Variants in ANKRD61 observed in about 807,000 individuals in gnomAD.
ANKRD61 encodes ankyrin repeat domain 61.
A neutral mutation model predicts 8.4 loss-of-function variants in ANKRD61; 7 were observed. The observed-to-expected ratio is 0.84, with a 90% confidence interval of 0.48 to 1.57. ANKRD61 has a LOEUF of 1.57. Among genes scored for constraint, ANKRD61 ranks in the 40% most tolerant of loss-of-function variants. ANKRD61 has a pLI of 0.00. For missense variants in ANKRD61, 516 were observed against 523.4 expected, an observed-to-expected ratio of 0.99 and a Z score of 0.14; for synonymous variants, 198 against 208.0, an observed-to-expected ratio of 0.95 and a Z score of 0.41.
At position 6,033,771 on chromosome 7, in the gene ANKRD61, A is replaced by G. The variant is rs559415848; in HGVS notation, c.314+835A>G. On this transcript the variant is annotated intron_variant, in intron 2 of 2. Coordinates refer to ENST00000409061, the MANE Select transcript of ANKRD61 (RefSeq NM_001271700.2). The surrounding 1 kb of genome is among the most constrained non-coding windows in gnomAD (Gnocchi z 4.4). ...TTTTTAGTAGAGATGGGGTTTCACC[A>G]TGTTAGCCAGGATAGTCTCAATCTC... 7.8e-4 allele frequency among the ~76,000 whole-genome samples: 118 copies of G among 151,808 alleles called. No individual in the cohort carries two copies. The highest frequency in any genetic ancestry group is 1.6e-3 in the Non-Finnish European group (106 of 67,944).
Position 6,035,807 on chromosome 7 carries a change from C to T in ANKRD61, c.678C>T (p.Asn226=), listed in dbSNP as rs1050011293. 3.9e-6 allele frequency: 6 copies of T among 1,550,542 alleles called. No individual in the cohort carries two copies. Among genetic ancestry groups the T allele is most frequent in the East Asian group, 4.9e-5 (2 of 40,932 alleles). The change falls in exon 3 of 3, where the codon AAC becomes AAT. Residue 226 remains asparagine (N), a synonymous_variant. Transcript: ENST00000409061. This position sits in a 1 kb window ranked among gnomAD's most constrained non-coding sequence, Gnocchi z 5.5. ...AAACGCTCATTGCCTATGGAGCAAA[C>T]GTCAACTGTGCTGTCTCTTCCACGG... is the stretch of plus-strand genomic sequence containing the variant. ...MMETLIAYGA[N]VNCAVSSTGN...
Position 6,035,248 on chromosome 7 carries a change from A to G in ANKRD61, c.315-196A>G, listed in dbSNP as rs1788042725. On this transcript the variant is annotated intron_variant, in intron 2 of 2. Coordinates refer to ENST00000409061, the MANE Select transcript of ANKRD61 (RefSeq NM_001271700.2). This position sits in a 1 kb window ranked among gnomAD's most constrained non-coding sequence, Gnocchi z 5.5. ...TGAAGCTAGGCCCCATCACGTAGTGATGCATCCCACCACATCCCACGAAAA... is the reference window on the plus strand; with the variant it reads ...TGAAGCTAGGCCCCATCACGTAGTGGTGCATCCCACCACATCCCACGAAAA... Among the ~76,000 whole-genome samples the G allele has an allele frequency of 6.6e-6, 1 of 152,210 alleles. No homozygotes were observed. Among genetic ancestry groups the G allele is most frequent in the Admixed American group, 6.5e-5 (1 of 15,270 alleles).
chr7:6,034,874 CCT>C (rs1031852938), intron 2 of ANKRD61, among the ~76,000 whole-genome samples: 9 of 152,278 alleles, frequency 5.9e-5, no homozygotes, highest in Admixed American at 2.6e-4. Context: ...AGATTCAACC[CCT>C]GTCACTTCTG....
rs545616942 is a variant in ANKRD61 at position 6,032,719 on chromosome 7, A to C, written c.217-120A>C. 1.4e-6 allele frequency: 1 copy of C among 738,830 alleles called. No individual in the cohort carries two copies. The highest frequency in any genetic ancestry group is 1.8e-5 in the African/African-American group (1 of 56,046). 45.8% of individuals were successfully genotyped at this position (738,830 alleles called of 1,614,324 possible). On this transcript the variant is annotated intron_variant, in intron 1 of 2. Coordinates refer to ENST00000409061, the MANE Select transcript of ANKRD61 (RefSeq NM_001271700.2). The surrounding 1 kb of genome is among the most constrained non-coding windows in gnomAD (Gnocchi z 4.3). ...AGGAAACTTTCAATGCACATACCAGAAAAAGAGTGAGCCAATGAGACACTA... is the reference window on the plus strand; with the variant it reads ...AGGAAACTTTCAATGCACATACCAGCAAAAGAGTGAGCCAATGAGACACTA...
Position 6,035,904 on chromosome 7 carries a change from A to G in ANKRD61, c.775A>G (p.Ser259Gly), listed in dbSNP as rs935472134. The G allele has an allele frequency of 1.3e-6, 2 of 1,546,878 alleles. No individual in the cohort carries two copies. Among genetic ancestry groups the G allele is most frequent in the Non-Finnish European group, 1.7e-6 (2 of 1,144,596 alleles). The change falls in exon 3 of 3, where the codon AGC becomes GGC. Residue 259 changes from serine to glycine, a missense_variant. Ser to Gly is a moderately conservative substitution (Grantham distance 56). Transcript: ENST00000409061. This position sits in a 1 kb window ranked among gnomAD's most constrained non-coding sequence, Gnocchi z 5.5. ...KAGRLLGAGV[S>G]CIRLLLTHGA... Reference sequence around the variant, plus strand: ...AGGCCGACTCCTCGGGGCGGGGGTCAGCTGCATCCGTCTGCTACTCACTCA... The same window carrying G: ...AGGCCGACTCCTCGGGGCGGGGGTCGGCTGCATCCGTCTGCTACTCACTCA...
Position 6,035,349 on chromosome 7 carries a change from C to T in ANKRD61, c.315-95C>T. 2 of 1,220,354 alleles carry T rather than the reference C, an allele frequency of 1.6e-6. No individual in the cohort carries two copies. Among genetic ancestry groups the T allele is most frequent in the South Asian group, 1.5e-5 (1 of 65,774 alleles). The allele number at this position is 1,220,354 out of a possible 1,614,324, so 75.6% of individuals were successfully genotyped here. A position where few individuals can be genotyped will look rare whatever the true frequency, so the allele number is the denominator to read the frequency against. ...TCCTTAAGGTAATTGAAGGGTCTTA[C>T]TTTAAATAAATACTGGCTTCTTAAG... is the stretch of plus-strand genomic sequence containing the variant. On this transcript the variant is annotated intron_variant, in intron 2 of 2. Coordinates refer to ENST00000409061, the MANE Select transcript of ANKRD61 (RefSeq NM_001271700.2). The surrounding 1 kb of genome is among the most constrained non-coding windows in gnomAD (Gnocchi z 5.5).
rs941608932 is a variant in ANKRD61 at position 6,035,964 on chromosome 7, C to T, written c.835C>T (p.Gln279Ter). 8 of 1,549,826 alleles carry T rather than the reference C, an allele frequency of 5.2e-6. No individual in the cohort carries two copies. The African/African-American group carries it at 1.1e-4, about 21-fold the overall frequency. Reference protein sequence around the residue: ...AKVNAQDYKGQTAIHEACFGG... With the variant: ...AKVNAQDYKG ...AGTCAACGCCCAGGACTACAAGGGC[C>T]AAACAGCCATCCATGAGGCATGCTT... is the stretch of plus-strand genomic sequence containing the variant. The change falls in exon 3 of 3, where the codon CAA becomes TAA. Residue 279 changes from glutamine to a stop codon, truncating the protein, a stop_gained. Transcript: ENST00000409061. LOFTEE classifies it low-confidence loss of function (END_TRUNC). This position sits in a 1 kb window ranked among gnomAD's most constrained non-coding sequence, Gnocchi z 5.5.
chr7:6,034,496 C>A (rs1263659725), intron 2 of ANKRD61, among the ~76,000 whole-genome samples: 1 of 152,078 alleles, frequency 6.6e-6, no homozygotes, highest in South Asian at 2.1e-4. Context: ...CTTTCCTACC[C>A]TGCATACTGC....
In ANKRD61 at chr7:6,035,978, T is replaced by G; in HGVS notation, c.849T>G (p.His283Gln). ...AQDYKGQTAI[H>Q]EACFGGREAI... ...ACTACAAGGGCCAAACAGCCATCCA[T>G]GAGGCATGCTTTGGAGGCAGAGAGG... Residue 283 changes from histidine (H) to glutamine (Q), a missense_variant, in exon 3 of 3, where the codon CAT becomes CAG. By Grantham distance (24) the His-to-Gln change is conservative. Coordinates refer to ENST00000409061, the MANE Select transcript of ANKRD61 (RefSeq NM_001271700.2). The surrounding 1 kb of genome is among the most constrained non-coding windows in gnomAD (Gnocchi z 5.5). The G allele has an allele frequency of 6.4e-7, 1 of 1,550,696 alleles. No homozygotes were observed. The highest frequency in any genetic ancestry group is 1.2e-5 in the South Asian group (1 of 84,016).
In ANKRD61 at chr7:6,033,117, C is replaced by T. The variant is rs890070102; in HGVS notation, c.314+181C>T. Among the ~76,000 whole-genome samples, 2 of 152,026 alleles carry T rather than the reference C, an allele frequency of 1.3e-5. No homozygotes were observed. The highest frequency in any genetic ancestry group is 2.9e-5 in the Non-Finnish European group (2 of 67,986). On this transcript the variant is annotated intron_variant, in intron 2 of 2. Transcript: ENST00000409061. This position sits in a 1 kb window ranked among gnomAD's most constrained non-coding sequence, Gnocchi z 4.4. ...CCGAGTAGCTGGGATTACAGGTGTG[C>T]GTCACCATGCCCAGCTAACATTTGT...
chr7:6,035,712 A>G lies in ANKRD61; in HGVS notation c.583A>G (p.Asn195Asp). 1.3e-6 allele frequency: 2 copies of G among 1,550,892 alleles called. No individual in the cohort carries two copies. Among genetic ancestry groups the G allele is most frequent in the Non-Finnish European group, 1.7e-6 (2 of 1,147,088 alleles). Residue 195 changes from asparagine (N) to aspartate (D), a missense_variant, in exon 3 of 3, where the codon AAT becomes GAT. Coordinates refer to ENST00000409061, the MANE Select transcript of ANKRD61 (RefSeq NM_001271700.2). This position sits in a 1 kb window ranked among gnomAD's most constrained non-coding sequence, Gnocchi z 5.5. The stretch of plus-strand genomic sequence containing the variant: ...TTTGACCCAAAATGGTGCCGATGTC[A>G]ATGCTATTAATGAAGCCAGCATGAC... The part of the protein sequence containing the change: ...SILTQNGADV[N>D]AINEASMTPL...
rs1788050286 is a variant in ANKRD61 at position 6,035,468 on chromosome 7, C to T, written c.339C>T (p.Leu113=). 5 of 1,550,634 alleles carry T rather than the reference C, an allele frequency of 3.2e-6. No individual in the cohort carries two copies. The highest frequency in any genetic ancestry group is 1.2e-5 in the South Asian group (1 of 84,052). Residue 113 remains leucine, a synonymous_variant, in exon 3 of 3, where the codon CTC becomes CTT. Coordinates refer to ENST00000409061, the MANE Select transcript of ANKRD61 (RefSeq NM_001271700.2). This position sits in a 1 kb window ranked among gnomAD's most constrained non-coding sequence, Gnocchi z 5.5. Reference sequence around the variant, plus strand: ...GGGACACGACAGGCCTCACCACACTCAACTTAATGCTACTGCACTGGCCAG... The same window carrying T: ...GGGACACGACAGGCCTCACCACACTTAACTTAATGCTACTGCACTGGCCAG... The part of the protein sequence containing the change: ...EVRDTTGLTT[L]NLMLLHWPVT...
chr7:6,035,704 C>G lies in ANKRD61; in HGVS notation c.575C>G (p.Ala192Gly). Residue 192 changes from alanine to glycine, a missense_variant, in exon 3 of 3, where the codon GCC becomes GGC. Physicochemically the swap from Ala to Gly is moderately conservative, Grantham distance 60 (BLOSUM62 0). Coordinates refer to ENST00000409061, the MANE Select transcript of ANKRD61 (RefSeq NM_001271700.2). This position sits in a 1 kb window ranked among gnomAD's most constrained non-coding sequence, Gnocchi z 5.5. ...PVLSILTQNGADVNAINEASM... is the reference protein window; with the variant it reads ...PVLSILTQNGGDVNAINEASM... ...CTCTCCATTTTGACCCAAAATGGTG[C>G]CGATGTCAATGCTATTAATGAAGCC... 1.3e-6 allele frequency: 2 copies of G among 1,550,726 alleles called. No homozygotes were observed. The highest frequency in any genetic ancestry group is 1.7e-6 in the Non-Finnish European group (2 of 1,147,074).
rs1787957494 is a variant in ANKRD61, at chr7:6,032,888, C to A, written c.266C>A (p.Ala89Asp). 6.4e-7 allele frequency: 1 copy of A among 1,550,974 alleles called. No individual in the cohort carries two copies. Among genetic ancestry groups the A allele is most frequent in the Admixed American group, 2.0e-5 (1 of 50,982 alleles). The change falls in exon 2 of 3, where the codon GCC (alanine) becomes GAC (aspartate). Residue 89 changes from alanine (A) to aspartate (D), a missense_variant. Coordinates refer to ENST00000409061, the MANE Select transcript of ANKRD61 (RefSeq NM_001271700.2). The surrounding 1 kb of genome is among the most constrained non-coding windows in gnomAD (Gnocchi z 4.3). ...CATCTGGCTGCCAAGTACCACAAGG[C>A]CCAGAGTCTGCTCTGCCTGTTACGG... ...PIHLAAKYHK[A>D]QSLLCLLRHG...
chr7:6,032,057 T>A lies in ANKRD61; in HGVS notation c.216+466T>A, dbSNP rs910286119. Among the ~76,000 whole-genome samples, 3 of 151,974 alleles carry A rather than the reference T, an allele frequency of 2.0e-5. No homozygotes were observed. Among genetic ancestry groups the A allele is most frequent in the African/African-American group, 7.3e-5 (3 of 41,378 alleles). Reference sequence around the variant, plus strand: ...GGCTTGGTGGCAGGAGCCTGTAATCTCAGCTACTCGGACGGCTGAGGCAGG... The same window carrying A: ...GGCTTGGTGGCAGGAGCCTGTAATCACAGCTACTCGGACGGCTGAGGCAGG... On this transcript the variant is annotated intron_variant, in intron 1 of 2. Coordinates refer to ENST00000409061, the MANE Select transcript of ANKRD61 (RefSeq NM_001271700.2). This position sits in a 1 kb window ranked among gnomAD's most constrained non-coding sequence, Gnocchi z 4.3.
Position 6,033,670 on chromosome 7 carries a change from C to T in ANKRD61, c.314+734C>T, listed in dbSNP as rs1562744678. On this transcript the variant is annotated intron_variant, in intron 2 of 2. Transcript: ENST00000409061. The surrounding 1 kb of genome is among the most constrained non-coding windows in gnomAD (Gnocchi z 4.4). ...CAGTGGCACCATTCTCCTGGGTTCA[C>T]GCCATTCTCCTGCCTCAGCCTCCCA... Among the ~76,000 whole-genome samples, 3 of 151,946 alleles carry T rather than the reference C, an allele frequency of 2.0e-5. No individual in the cohort carries two copies. Among genetic ancestry groups the T allele is most frequent in the Non-Finnish European group, 2.9e-5 (2 of 67,968 alleles).
In ANKRD61 at chr7:6,033,448, A is replaced by C. The variant is rs528552243; in HGVS notation, c.314+512A>C. 3.7e-4 allele frequency among the ~76,000 whole-genome samples: 56 copies of C among 152,204 alleles called. No individual in the cohort carries two copies. Among genetic ancestry groups the C allele is most frequent in the Non-Finnish European group, 6.6e-4 (45 of 68,042 alleles). ...TGCAACATCATAAATATTTTGCCAA[A>C]TTAATGCACATTCTGAGGATTAAGA... is the stretch of plus-strand genomic sequence containing the variant. On this transcript the variant is annotated intron_variant, in intron 2 of 2. Transcript: ENST00000409061. This position sits in a 1 kb window ranked among gnomAD's most constrained non-coding sequence, Gnocchi z 4.4.
intron 2 of ANKRD61, among the ~76,000 whole-genome samples, chr7:6,034,792 G>C (rs888398558): frequency 6.6e-6 from 1 of 152,088 alleles, no homozygotes; most frequent in East Asian, 1.9e-4. Flanking sequence ...CTGAGATGAG[G>C]GCCAAGTTGT....
chr7:6,033,649 G>GGCACCATTCTCCTGGGTTC lies in ANKRD61; in HGVS notation c.314+714_314+732dup, dbSNP rs538565728. Among the ~76,000 whole-genome samples, 674 of 152,126 alleles carry GGCACCATTCTCCTGGGTTC rather than the reference G, an allele frequency of 4.4e-3. 5 individuals carry two copies. The highest frequency in any genetic ancestry group is 7.1e-3 in the Non-Finnish European group (481 of 68,000). ...TCTGTCGCCCAGGCTGGAGTGCAGT[G>GGCACCATTCTCCTGGGTTC]GCACCATTCTCCTGGGTTCACGCCA... On this transcript the variant is annotated intron_variant, in intron 2 of 2. Coordinates refer to ENST00000409061, the MANE Select transcript of ANKRD61 (RefSeq NM_001271700.2). The surrounding 1 kb of genome is among the most constrained non-coding windows in gnomAD (Gnocchi z 4.4).
Sources: gnomAD v4.1 joint callset for allele counts (sites outside exome capture counted in the v4.1 genomes callset) on GRCh38, gnomAD v4.1.1 for gene constraint, Gnocchi (gnomAD v3.1) non-coding constraint, MANE v1.5 for transcripts, NCBI Gene and HGNC (gene_info 2026-07-23, HGNC 2026-07-21) for gene names.